Variants in ST18 observed in about 807,000 individuals in gnomAD.
ST18 encodes suppression of tumorigenicity 18 protein.
A neutral mutation model predicts 110.0 loss-of-function variants in ST18; 50 were observed. That is an observed-to-expected ratio of 0.45 (90% CI 0.36 to 0.58). The LOEUF (loss-of-function observed/expected upper bound fraction) is 0.58, where lower values mean the gene tolerates loss of function less well. ST18 is among the 20% of genes least tolerant of loss of function. The pLI is 0.00. For synonymous variants in ST18, 461 were observed against 452.4 expected (o/e 1.02, Z -0.24); for missense variants, 1,306 against 1,280.1 (o/e 1.02, Z -0.31).
At chr8:52,207,099 A>G (rs775541061) in intron 8 of ST18, among the ~76,000 whole-genome samples, 3 of 152,230 alleles carry the variant, frequency 2.0e-5, no homozygotes, top group Non-Finnish European at 2.9e-5. Flanking sequence ...TATAAAGACT[A>G]TAATGAATGA....
intron 3 of ST18, among the ~76,000 whole-genome samples, chr8:52,226,966 T>A (rs1274852470): frequency 6.6e-6 from 1 of 152,234 alleles, no homozygotes; most frequent in Non-Finnish European, 1.5e-5. Flanking sequence ...CAGTGACTAT[T>A]TGTTTTTCAT....
intron 25 of ST18, among the ~76,000 whole-genome samples, chr8:52,114,721 C>G (rs533351046): frequency 6.6e-6 from 1 of 152,132 alleles, no homozygotes. Flanking sequence ...TCTGCAGGGC[C>G]GGGCCCACTT....
At chr8:52,232,526 C>A (rs549933924) in intron 2 of ST18, among the ~76,000 whole-genome samples, 1 of 152,144 alleles carries the variant, frequency 6.6e-6, no homozygotes, top group Admixed American at 6.5e-5. Context: ...ACTTACTTTC[C>A]AAATGGTGCA....
chr8:52,300,081 C>T (rs17315497), intron 2 of ST18, among the ~76,000 whole-genome samples: 46,700 of 152,006 alleles, frequency 0.31, 7,379 homozygotes, highest in Middle Eastern at 0.44. Context: ...TTCAGCCTTC[C>T]GTTGATTCCT....
At chr8:52,130,045 CA>C in intron 22 of ST18, among the ~76,000 whole-genome samples, 1 of 111,124 alleles carries the variant, frequency 9.0e-6, no homozygotes, top group Non-Finnish European at 1.8e-5. Flanking sequence ...GACTCTGTTT[CA>C]AAAAAGAAAG....
intron 8 of ST18, among the ~76,000 whole-genome samples, chr8:52,198,465 G>A (rs2135356472): frequency 6.6e-6 from 1 of 152,200 alleles, no homozygotes; most frequent in Non-Finnish European, 1.5e-5. Context: ...ATATGAATAA[G>A]ACTTGTTTGA....
intron 2 of ST18, among the ~76,000 whole-genome samples, chr8:52,339,259 C>T (rs1044373737): frequency 6.6e-6 from 1 of 152,092 alleles, no homozygotes; most frequent in Non-Finnish European, 1.5e-5. Flanking sequence ...TATGTGGACC[C>T]CCATCCTCAA....
intron 3 of ST18, among the ~76,000 whole-genome samples, chr8:52,228,701 G>A (rs1269964369): frequency 6.6e-6 from 1 of 152,068 alleles, no homozygotes; most frequent in African/African-American, 2.4e-5. Flanking sequence ...TGTTACATAT[G>A]AGAAAAGGAA....
intron 17 of ST18, among the ~76,000 whole-genome samples, chr8:52,138,827 C>T (rs1352233357): frequency 7.2e-5 from 11 of 152,110 alleles, no homozygotes; most frequent in Non-Finnish European, 1.5e-4. Flanking sequence ...CTGCCTAAAG[C>T]GAGGACTTAT....
intron 2 of ST18, among the ~76,000 whole-genome samples, chr8:52,370,874 G>A (rs1002895564): frequency 9.2e-5 from 14 of 152,202 alleles, no homozygotes; most frequent in African/African-American, 3.4e-4. Flanking sequence ...TGTGTGTACT[G>A]AAATAAGCCA....
At chr8:52,128,316 G>A (rs931657278) in intron 22 of ST18, among the ~76,000 whole-genome samples, 7 of 152,100 alleles carry the variant, frequency 4.6e-5, no homozygotes, top group Non-Finnish European at 8.8e-5. Flanking sequence ...CAAAATGGCA[G>A]GTGATACAAT....
intron 2 of ST18, among the ~76,000 whole-genome samples, chr8:52,382,815 A>G (rs2360788): frequency 0.76 from 114,138 of 151,164 alleles, 47,983 homozygotes; most frequent in Non-Finnish European, 0.93. Flanking sequence ...AGAAACTGAT[A>G]AATTTCCAGA....
At position 52,324,321 on chromosome 8, in the gene ST18, G is replaced by GGATGGATGGATA. The variant is rs1340927618; in HGVS notation, c.-465+85006_-465+85007insTATCCATCCATC. 6.4e-4 allele frequency among the ~76,000 whole-genome samples: 97 copies of GGATGGATGGATA among 151,902 alleles called. 2 individuals are homozygous for GGATGGATGGATA. Among genetic ancestry groups the GGATGGATGGATA allele is most frequent in the Non-Finnish European group, 5.3e-4 (36 of 67,944 alleles). On this transcript the variant is annotated intron_variant, in intron 2 of 25. Transcript: ENST00000689386. Reference sequence around the variant, plus strand: ...ATAGATGATGGATGGATGGATGGATGGATGGATGGATGGATGGATGGATAA... The same window carrying GGATGGATGGATA: ...ATAGATGATGGATGGATGGATGGATGGATGGATGGATAGATGGATGGATGGATGGATGGATAA...
At chr8:52,118,474 G>T in intron 23 of ST18, 33 bp from the exon 24 acceptor site, 2 of 1,324,980 alleles carry the variant, frequency 1.5e-6, no homozygotes, top group Non-Finnish European at 1.0e-6. Context: ...AGTTCAAACT[G>T]AAAACTGTTA....
At chr8:52,225,321 A>C (rs1477163127) in intron 3 of ST18, among the ~76,000 whole-genome samples, 1 of 152,250 alleles carries the variant, frequency 6.6e-6, no homozygotes, top group Non-Finnish European at 1.5e-5. Context: ...ATGACTGATA[A>C]TTCTAACACC....
At chr8:52,139,645 C>T (rs574378674) in intron 17 of ST18, among the ~76,000 whole-genome samples, 17 of 152,304 alleles carry the variant, frequency 1.1e-4, no homozygotes, top group South Asian at 6.2e-4. Flanking sequence ...CATGAGCCAC[C>T]GCGCCCGGCC....
intron 2 of ST18, among the ~76,000 whole-genome samples, chr8:52,357,235 T>C (rs1045822475): frequency 6.6e-6 from 1 of 152,110 alleles, no homozygotes; most frequent in African/African-American, 2.4e-5. Context: ...AATTACACTC[T>C]TGTACACAAA....
rs960207550 is a variant in ST18, at chr8:52,188,249, C to A, written c.87-7937G>T. 4.6e-5 allele frequency among the ~76,000 whole-genome samples: 7 copies of A among 152,192 alleles called. No individual in the cohort carries two copies. In the East Asian group the frequency reaches 9.6e-4, roughly 21 times the overall value. ...AAGCGAAACAGGAAATATATGCTAGCAAAGGATCAGAGTTTGAGATCATGT... is the reference window on the plus strand; with the variant it reads ...AAGCGAAACAGGAAATATATGCTAGAAAAGGATCAGAGTTTGAGATCATGT... On this transcript the variant is annotated intron_variant, in intron 8 of 25. Transcript: ENST00000689386.
At chr8:52,401,206 T>C (rs933444175) in intron 2 of ST18, among the ~76,000 whole-genome samples, 4 of 152,178 alleles carry the variant, frequency 2.6e-5, no homozygotes, top group Non-Finnish European at 5.9e-5. Flanking sequence ...CTAATGGAGA[T>C]TTCCTGATAT....
Sources: allele counts gnomAD v4.1 joint callset (sites outside exome capture counted in the v4.1 genomes callset), GRCh38; gene constraint gnomAD v4.1.1; transcripts MANE v1.5; gene names NCBI Gene and HGNC (gene_info 2026-07-23, HGNC 2026-07-21).